SLCO1A2: variants seen among roughly 807,000 people sequenced by gnomAD.
The protein encoded by SLCO1A2 is solute carrier organic anion transporter family member 1A2.
SLCO1A2 carries 67 observed loss-of-function variants against 69.0 expected under a neutral mutation model. That is an observed-to-expected ratio of 0.97 (90% CI 0.80 to 1.19). SLCO1A2 has a LOEUF of 1.19. Ranked by LOEUF, SLCO1A2 falls within the 50% of genes most tolerant of loss-of-function variation. The pLI, the probability that SLCO1A2 is intolerant of heterozygous loss-of-function variation, is 0.00. For synonymous variants in SLCO1A2, 260 were observed against 265.9 expected, an observed-to-expected ratio of 0.98 and a Z score of 0.22; for missense variants, 787 against 793.7, an observed-to-expected ratio of 0.99 and a Z score of 0.10.
At chr12:21,335,192 A>G (rs968942418), upstream of SLCO1A2, among the ~76,000 whole-genome samples, 1 of 151,920 alleles carries the variant, frequency 6.6e-6, no homozygotes, top group Non-Finnish European at 1.5e-5. Flanking sequence ...CTAGAGTCTC[A>G]GGAAGGGAAA....
At chr12:21,362,674 G>C (rs12308945) in intron 2 of SLCO1A2, among the ~76,000 whole-genome samples, 4 of 151,910 alleles carry the variant, frequency 2.6e-5, no homozygotes, top group African/African-American at 7.3e-5. Flanking sequence ...GCAGAGACAC[G>C]CATAGGCTCA....
intron 2 of SLCO1A2, among the ~76,000 whole-genome samples, chr12:21,364,169 T>G (rs1939178612): frequency 6.6e-6 from 1 of 152,114 alleles, no homozygotes; most frequent in Non-Finnish European, 1.5e-5. Context: ...GCAAACCGAA[T>G]CCAGCAACAC....
chr12:21,293,840 G>T, intron 11 of SLCO1A2, 105 bp downstream of exon 11: 1 of 877,418 alleles, frequency 1.1e-6, no homozygotes, highest in Non-Finnish European at 1.6e-6. Context: ...AAAGTAATAT[G>T]GTTTTGAGGA....
intron 1 of SLCO1A2, chr12:21,378,550 T>C: frequency 2.6e-6 from 2 of 773,746 alleles, no homozygotes; most frequent in South Asian, 3.1e-5. Context: ...TGCTAGGACA[T>C]ATACCTTCTC....
intron 8 of SLCO1A2, among the ~76,000 whole-genome samples, chr12:21,299,296 A>G (rs752148037): frequency 5.2e-4 from 79 of 152,118 alleles, no homozygotes; most frequent in Non-Finnish European, 8.4e-4. Flanking sequence ...CTAAATACTT[A>G]GGCTATCTTA....
chr12:21,354,456 A>G (rs533309499), intron 2 of SLCO1A2, among the ~76,000 whole-genome samples: 2 of 152,324 alleles, frequency 1.3e-5, no homozygotes, highest in East Asian at 3.9e-4. Flanking sequence ...GGAAATGTGA[A>G]TATCTAGATA....
At chr12:21,405,195 A>C (rs1306630370) in intron 1 of SLCO1A2, among the ~76,000 whole-genome samples, 1 of 151,724 alleles carries the variant, frequency 6.6e-6, no homozygotes, top group Admixed American at 6.6e-5. Flanking sequence ...CTCGGATGAT[A>C]GTTTCTTTTG....
At chr12:21,331,358 A>G (rs61927789) in intron 2 of SLCO1A2, among the ~76,000 whole-genome samples, 17,212 of 152,152 alleles carry the variant, frequency 0.11, 1,081 homozygotes, top group Non-Finnish European at 0.15. Context: ...GGAAGCTGCA[A>G]CAGAAACCAA....
intron 2 of SLCO1A2, among the ~76,000 whole-genome samples, chr12:21,372,688 GAC>G (rs1282398689): frequency 4.6e-5 from 7 of 152,174 alleles, no homozygotes; most frequent in Non-Finnish European, 5.9e-5. Context: ...TGCTGTGTAT[GAC>G]ACACCATTAA....
chr12:21,321,526 A>G (rs1294521903), intron 2 of SLCO1A2, among the ~76,000 whole-genome samples: 1 of 152,220 alleles, frequency 6.6e-6, no homozygotes, highest in Non-Finnish European at 1.5e-5. Flanking sequence ...ACTTTTCAGT[A>G]ATTCCCATAA....
chr12:21,406,841 T>A (rs144436384), intron 1 of SLCO1A2, among the ~76,000 whole-genome samples: 143 of 152,348 alleles, frequency 9.4e-4, no homozygotes, highest in African/African-American at 3.3e-3. Flanking sequence ...AGATGCATGT[T>A]CTTTCTCTTT....
chr12:21,314,604 C>T lies in SLCO1A2; in HGVS notation c.280G>A (p.Val94Met), dbSNP rs751053597. The change falls in exon 4 of 15, where the codon GTG becomes ATG. Residue 94 changes from valine to methionine, a missense_variant. Transcript: ENST00000683939. The stretch of plus-strand genomic sequence containing the variant: ...AAGAAACAGCCTAAGCCCATAACCA[C>T]ACATCCAATGCCAATCATTATAGGT... The part of the protein sequence containing the change: ...HRPIMIGIGC[V>M]VMGLGCFLKS... 6.2e-7 allele frequency: 1 copy of T among 1,613,972 alleles called. No homozygotes were observed. Among genetic ancestry groups the T allele is most frequent in the Non-Finnish European group, 8.5e-7 (1 of 1,179,850 alleles).
chr12:21,291,532 A>G (rs1238947243), intron 12 of SLCO1A2, among the ~76,000 whole-genome samples: 5 of 152,216 alleles, frequency 3.3e-5, no homozygotes, highest in Non-Finnish European at 7.3e-5. Flanking sequence ...AAAGAGAGAA[A>G]AAATGCAAAT....
intron 2 of SLCO1A2, 85 bp from the exon 3 acceptor site, chr12:21,319,008 A>G: frequency 1.0e-6 from 1 of 1,004,944 alleles, no homozygotes; most frequent in Admixed American, 2.8e-5. Context: ...CTTCCACCAT[A>G]AGACTGATTG....
intron 1 of SLCO1A2, among the ~76,000 whole-genome samples, chr12:21,403,151 C>A (rs1280778139): frequency 6.6e-6 from 1 of 152,136 alleles, no homozygotes; most frequent in Non-Finnish European, 1.5e-5. Context: ...ACTTCTAACG[C>A]TCCAAGCCAC....
At chr12:21,332,317 A>G (rs552877627) in intron 2 of SLCO1A2, among the ~76,000 whole-genome samples, 1 of 152,262 alleles carries the variant, frequency 6.6e-6, no homozygotes, top group South Asian at 2.1e-4. Flanking sequence ...ATTGGTTGGA[A>G]GAGTTATTAT....
intron 3 of SLCO1A2, among the ~76,000 whole-genome samples, chr12:21,318,524 T>C (rs979228415): frequency 2.6e-5 from 4 of 152,186 alleles, no homozygotes; most frequent in Non-Finnish European, 5.9e-5. Flanking sequence ...CTGCTACTCA[T>C]GCTACATAAC....
At chr12:21,399,940 C>A (rs907189926), upstream of SLCO1A2, among the ~76,000 whole-genome samples, 12 of 151,958 alleles carry the variant, frequency 7.9e-5, no homozygotes, top group Non-Finnish European at 1.6e-4. Flanking sequence ...AAAAGCTAGG[C>A]ATTACCATTC....
At position 21,320,659 on chromosome 12, in the gene SLCO1A2, C is replaced by A. The variant is rs11045968; in HGVS notation, c.61-1736G>T. On this transcript the variant is annotated intron_variant, in intron 2 of 14. Transcript: ENST00000683939. The stretch of plus-strand genomic sequence containing the variant: ...GGCTACAAGTGTGTACCACCATGAC[C>A]GGTTAGCTTTTGTATTTTTAGTACA... Among the ~76,000 whole-genome samples, 190 of 151,956 alleles carry A rather than the reference C, an allele frequency of 1.3e-3. 5 individuals are homozygous for A. The South Asian group carries it at 0.036, about 29-fold the overall frequency.
Sources: allele counts gnomAD v4.1 joint callset (sites outside exome capture counted in the v4.1 genomes callset), GRCh38; gene constraint gnomAD v4.1.1; transcripts MANE v1.5; gene names NCBI Gene and HGNC (gene_info 2026-07-23, HGNC 2026-07-21).